SIPA1L1: variants seen among roughly 807,000 people sequenced by gnomAD.
SIPA1L1 encodes the protein signal induced proliferation associated 1 like 1.
A neutral mutation model predicts 162.7 loss-of-function variants in SIPA1L1; 26 were observed. The observed-to-expected ratio is 0.16, with a 90% CI of 0.12 to 0.22. The LOEUF is 0.22. Among genes scored for constraint, SIPA1L1 ranks in the 10% least tolerant of loss-of-function variants. The pLI, the probability that SIPA1L1 is intolerant of heterozygous loss-of-function variation, is 1.00. For missense variants in SIPA1L1, 1,874 were observed against 2,241.0 expected (o/e 0.84, Z 3.31); for synonymous variants, 829 against 837.4 (o/e 0.99, Z 0.17).
chr14:71,620,437 C>G (rs2039313437), intron 6 of SIPA1L1, among the ~76,000 whole-genome samples: 1 of 152,190 alleles, frequency 6.6e-6, no homozygotes, highest in African/African-American at 2.4e-5. Flanking sequence ...GCATTCTCTT[C>G]TTTTTCCCTT....
intron 4 of SIPA1L1, among the ~76,000 whole-genome samples, chr14:71,559,011 C>T (rs2056575099): frequency 1.3e-5 from 2 of 151,990 alleles, no homozygotes; most frequent in South Asian, 4.1e-4. Flanking sequence ...TGCATGCAAA[C>T]TAGCAGCAGA....
At chr14:71,379,706 G>C (rs1451130119) in intron 2 of SIPA1L1, 1 of 149,004 alleles carries the variant, frequency 6.7e-6, no homozygotes, top group Non-Finnish European at 1.5e-5. Flanking sequence ...GCGTGTGTGT[G>C]CGCGCGTGCG....
intron 4 of SIPA1L1, among the ~76,000 whole-genome samples, chr14:71,537,692 C>G (rs1289490493): frequency 1.3e-5 from 2 of 151,640 alleles, no homozygotes; most frequent in Non-Finnish European, 2.9e-5. Flanking sequence ...CCTTTTCTCT[C>G]TCTCTCTTTT....
Position 71,671,182 on chromosome 14 carries a change from T to C in SIPA1L1, c.2319T>C (p.Thr773=). The change falls in exon 11 of 24, where the codon ACT becomes ACC. Residue 773 remains threonine, a synonymous_variant. Coordinates refer to ENST00000381232, the MANE Select transcript of SIPA1L1 (RefSeq NM_001386936.1). ...SFGPPIPKGV[T]FPKSNVFRDF... ...GGCCTCCCATTCCTAAAGGGGTCACTTTCCCTAAGTCAAATGTGTTCAGGG... is the reference window on the plus strand; with the variant it reads ...GGCCTCCCATTCCTAAAGGGGTCACCTTCCCTAAGTCAAATGTGTTCAGGG... 6.2e-7 allele frequency: 1 copy of C among 1,614,146 alleles called. No homozygotes were observed. The highest frequency in any genetic ancestry group is 8.5e-7 in the Non-Finnish European group (1 of 1,179,966).
At chr14:71,729,928 G>A (rs1469741148) in intron 19 of SIPA1L1, 127 bp from the exon 20 acceptor site, 1 of 1,008,572 alleles carries the variant, frequency 9.9e-7, no homozygotes, top group Admixed American at 2.3e-5. Context: ...TAGACAATGA[G>A]CCCTGAAGCT....
chr14:71,637,850 G>A (rs1212856969), intron 7 of SIPA1L1, among the ~76,000 whole-genome samples: 2 of 152,152 alleles, frequency 1.3e-5, no homozygotes, highest in Non-Finnish European at 1.5e-5. Flanking sequence ...TATCCCTCAT[G>A]AATACAGGGG....
chr14:71,401,907 A>G (rs1015874570), intron 2 of SIPA1L1, among the ~76,000 whole-genome samples: 11 of 152,284 alleles, frequency 7.2e-5, no homozygotes, highest in South Asian at 2.1e-4. Flanking sequence ...TGTTAGTAAC[A>G]TGCATTTTTA....
intron 7 of SIPA1L1, among the ~76,000 whole-genome samples, chr14:71,633,812 A>G (rs747420861): frequency 6.6e-6 from 1 of 152,222 alleles, no homozygotes; most frequent in Non-Finnish European, 1.5e-5. Context: ...TGGGGGAAAC[A>G]AATGAACAGA....
chr14:71,444,191 C>T (rs1482003773), intron 2 of SIPA1L1, among the ~76,000 whole-genome samples: 1 of 152,182 alleles, frequency 6.6e-6, no homozygotes, highest in East Asian at 1.9e-4. Context: ...CTAGCAAGTA[C>T]ATTAGCCAAT....
chr14:71,706,957 C>A (rs1293728974), intron 16 of SIPA1L1, among the ~76,000 whole-genome samples: 1 of 151,788 alleles, frequency 6.6e-6, no homozygotes, highest in Non-Finnish European at 1.5e-5. Context: ...ACCGCTTGAA[C>A]CCGGGAGGCA....
intron 2 of SIPA1L1, among the ~76,000 whole-genome samples, chr14:71,341,066 C>T (rs142142340): frequency 1.3e-5 from 2 of 152,336 alleles, no homozygotes; most frequent in African/African-American, 2.4e-5. Flanking sequence ...ATTGAATGTC[C>T]TTTCTGGCCA....
chr14:71,670,750 G>A (rs1290149006), intron 10 of SIPA1L1, among the ~76,000 whole-genome samples: 2 of 152,146 alleles, frequency 1.3e-5, no homozygotes, highest in African/African-American at 4.8e-5. Context: ...TGTGGTTACA[G>A]TAACCTCCCT....
chr14:71,502,804 A>C (rs1327333529), intron 2 of SIPA1L1, among the ~76,000 whole-genome samples: 1 of 152,142 alleles, frequency 6.6e-6, no homozygotes, highest in African/African-American at 2.4e-5. Context: ...GTGTTCTGCC[A>C]CATGTTAATG....
chr14:71,620,321 G>A (rs61989427), intron 6 of SIPA1L1, among the ~76,000 whole-genome samples: 42,990 of 151,974 alleles, frequency 0.28, 6,727 homozygotes, highest in East Asian at 0.68. Context: ...CACCCGCCTC[G>A]GCCTCCCAAA....
rs536355480 is a variant in SIPA1L1, at chr14:71,637,764, G to A, written c.1819-12571G>A. Among the ~76,000 whole-genome samples, 3 of 151,920 alleles carry A rather than the reference G, an allele frequency of 2.0e-5. No homozygotes were observed. The South Asian group carries it at 6.3e-4, about 32-fold the overall frequency. On this transcript the variant is annotated intron_variant, in intron 7 of 23. Transcript: ENST00000381232. ...CTTTATCATAGATTTTTAGGTAGAG[G>A]GAAAAACATGGTATATAGTTATATA...
intron 5 of SIPA1L1, among the ~76,000 whole-genome samples, chr14:71,598,628 TAAC>T (rs938323971): frequency 2.6e-5 from 4 of 152,116 alleles, no homozygotes; most frequent in Non-Finnish European, 2.9e-5. Context: ...TAAAAAGACA[TAAC>T]AACAAAATGC....
intron 7 of SIPA1L1, among the ~76,000 whole-genome samples, chr14:71,645,539 C>T (rs1202445769): frequency 3.3e-5 from 5 of 152,204 alleles, no homozygotes; most frequent in Admixed American, 2.6e-4. Flanking sequence ...CATTTCATCA[C>T]ATGGAATATT....
At chr14:71,365,105 C>T (rs2038165879) in intron 2 of SIPA1L1, among the ~76,000 whole-genome samples, 1 of 152,016 alleles carries the variant, frequency 6.6e-6, no homozygotes, top group African/African-American at 2.4e-5. Context: ...CGGCTCACTG[C>T]AGCCTTGACC....
intron 5 of SIPA1L1, among the ~76,000 whole-genome samples, chr14:71,592,145 G>A (rs1223941854): frequency 6.6e-6 from 1 of 152,188 alleles, no homozygotes; most frequent in Non-Finnish European, 1.5e-5. Flanking sequence ...GAAATTATGA[G>A]CAGTGGTTAA....
Sources: allele counts gnomAD v4.1 joint callset (sites outside exome capture counted in the v4.1 genomes callset), GRCh38; gene constraint gnomAD v4.1.1; transcripts MANE v1.5; gene names NCBI Gene and HGNC (gene_info 2026-07-23, HGNC 2026-07-21).